Variants in SORL1 observed in about 807,000 individuals in gnomAD.
SORL1 encodes the protein sortilin related receptor 1.
Under a neutral mutation model 273.7 loss-of-function variants are expected in SORL1, and 127 were observed. That is an observed-to-expected ratio of 0.46 (90% CI 0.40 to 0.54). SORL1 has a LOEUF of 0.54. SORL1 is among the 20% of genes least tolerant of loss of function. The pLI, the probability that SORL1 is intolerant of heterozygous loss-of-function variation, is 0.00. For synonymous variants in SORL1, 1,031 were observed against 1,067.4 expected, an observed-to-expected ratio of 0.97 and a Z score of 0.66; for missense variants, 2,494 against 2,846.1, an observed-to-expected ratio of 0.88 and a Z score of 2.81.
intron 11 of SORL1, among the ~76,000 whole-genome samples, chr11:121,526,709 T>C (rs1862128923): frequency 6.6e-6 from 1 of 152,172 alleles, no homozygotes; most frequent in Non-Finnish European, 1.5e-5. Context: ...TTTTGTGGTA[T>C]TACTGTAAAT....
chr11:121,605,022 C>T (rs1168938885), intron 33 of SORL1, 91 bp from the exon 34 acceptor site: 28 of 1,099,788 alleles, frequency 2.5e-5, no homozygotes, highest in South Asian at 6.7e-5. Context: ...TTGCCCGCCT[C>T]GGCCTCCCAA....
Position 121,452,532 on chromosome 11 carries a change from G to T in SORL1, c.201G>T (p.Arg67Ser), listed in dbSNP as rs556756459. ...GGCTGTGGGCGCGCGGGGATGCCAG[G>T]GGGGCGAGCCGCGCGGACGAGAAGC... is the stretch of plus-strand genomic sequence containing the variant. The part of the protein sequence containing the change: ...ELRLWARGDA[R>S]GASRADEKPL... The change falls in exon 1 of 48, where the codon AGG (arginine) becomes AGT (serine). Residue 67 changes from arginine (R) to serine (S), a missense_variant. Coordinates refer to ENST00000260197, the MANE Select transcript of SORL1 (RefSeq NM_003105.6). This position sits in a 1 kb window ranked among gnomAD's most constrained non-coding sequence, Gnocchi z 5.3. The T allele has an allele frequency of 2.2e-5, 33 of 1,488,208 alleles. No individual in the cohort carries two copies. The highest frequency in any genetic ancestry group is 2.8e-5 in the Non-Finnish European group (31 of 1,124,644). The allele number at this position is 1,488,208 out of a possible 1,614,324, so 92.2% of individuals were successfully genotyped here. A position where few individuals can be genotyped will look rare whatever the true frequency, so the allele number is the denominator to read the frequency against.
intron 6 of SORL1, among the ~76,000 whole-genome samples, chr11:121,507,627 C>A (rs1171197506): frequency 6.6e-6 from 1 of 151,970 alleles, no homozygotes; most frequent in African/African-American, 2.4e-5. Context: ...AAAAATATTT[C>A]TATTTCTTTA....
At chr11:121,485,163 G>T (rs944657963) in intron 3 of SORL1, among the ~76,000 whole-genome samples, 3 of 152,188 alleles carry the variant, frequency 2.0e-5, no homozygotes, top group African/African-American at 7.2e-5. Context: ...GGAGTGGGGA[G>T]GACCAAGGAG....
intron 41 of SORL1, among the ~76,000 whole-genome samples, chr11:121,616,142 C>A (rs1177360946): frequency 6.6e-6 from 1 of 152,164 alleles, no homozygotes; most frequent in Non-Finnish European, 1.5e-5. Flanking sequence ...TACCTGGCAG[C>A]ACATGACCGC....
At chr11:121,558,207 C>A (rs545567722) in intron 19 of SORL1, among the ~76,000 whole-genome samples, 1 of 152,250 alleles carries the variant, frequency 6.6e-6, no homozygotes, top group East Asian at 1.9e-4. Flanking sequence ...CTATTCTGTA[C>A]CTTTTTAAAC....
chr11:121,568,946 T>A, intron 22 of SORL1, among the ~76,000 whole-genome samples: 1 of 152,212 alleles, frequency 6.6e-6, no homozygotes, highest in East Asian at 1.9e-4. Flanking sequence ...TACCATCATG[T>A]TACTTGTTGT....
intron 24 of SORL1, 182 bp from the exon 25 acceptor site, chr11:121,577,099 G>C (rs985707445): frequency 1.1e-5 from 12 of 1,068,612 alleles, no homozygotes; most frequent in Non-Finnish European, 1.4e-5. Context: ...CCCATTTGCA[G>C]CACACTGACT....
At chr11:121,543,441 T>C in intron 12 of SORL1, 107 bp from the exon 13 acceptor site, 1 of 858,974 alleles carries the variant, frequency 1.2e-6, no homozygotes, top group South Asian at 1.8e-5. Flanking sequence ...GGATCAGCCA[T>C]TTCTCCAAGG....
intron 1 of SORL1, among the ~76,000 whole-genome samples, chr11:121,459,534 A>G (rs146244880): frequency 2.4e-3 from 362 of 152,308 alleles, no homozygotes; most frequent in Middle Eastern, 0.02. Flanking sequence ...GCTCTAGGGC[A>G]TGCCTCTGCA....
At chr11:121,546,307 T>C (rs1037925636) in intron 14 of SORL1, among the ~76,000 whole-genome samples, 1 of 150,522 alleles carries the variant, frequency 6.6e-6, no homozygotes, top group Non-Finnish European at 1.5e-5. Flanking sequence ...GGAGAGTTGA[T>C]GATGAGAACA....
intron 1 of SORL1, among the ~76,000 whole-genome samples, chr11:121,458,713 T>A (rs1358235181): frequency 6.6e-6 from 1 of 152,212 alleles, no homozygotes; most frequent in Non-Finnish European, 1.5e-5. Context: ...CCCTGGGCCT[T>A]CGAAGAAGTG....
At position 121,499,061 on chromosome 11, in the gene SORL1, C is replaced by T. The variant is rs77659185; in HGVS notation, c.939+2012C>T. 1.7e-3 allele frequency among the ~76,000 whole-genome samples: 266 copies of T among 152,202 alleles called. 2 individuals carry two copies. The highest frequency in any genetic ancestry group is 6.1e-3 in the African/African-American group (255 of 41,502). On this transcript the variant is annotated intron_variant, in intron 6 of 47. Transcript: ENST00000260197. ...GATCTCACCGATACAGTACCCAGTGCCTTGCGCTATGTTTGATACGCAGCA... is the reference window on the plus strand; with the variant it reads ...GATCTCACCGATACAGTACCCAGTGTCTTGCGCTATGTTTGATACGCAGCA...
chr11:121,515,072 A>T lies in SORL1; in HGVS notation c.1211+751A>T, dbSNP rs557844667. On this transcript the variant is annotated intron_variant, in intron 8 of 47. Transcript: ENST00000260197. ...GGGGTCTGGCTCTCCAGCCATGACA[A>T]CCAGGTCTGAGGGCATGCCCCTGTG... 2.0e-5 allele frequency among the ~76,000 whole-genome samples: 3 copies of T among 152,322 alleles called. No individual in the cohort carries two copies. In the South Asian group the frequency reaches 6.2e-4, roughly 32 times the overall value.
At chr11:121,478,006 C>T (rs975125289) in intron 2 of SORL1, 112 bp from the exon 3 acceptor site, 17 of 1,240,052 alleles carry the variant, frequency 1.4e-5, no homozygotes, top group African/African-American at 1.6e-5. Flanking sequence ...CACTGCAGCC[C>T]GGGCAAAAAG....
chr11:121,530,081 C>G (rs780469861), intron 11 of SORL1, among the ~76,000 whole-genome samples: 2 of 152,182 alleles, frequency 1.3e-5, no homozygotes, highest in African/African-American at 2.4e-5. Flanking sequence ...TTCAACCATA[C>G]AAGTCCCTTT....
chr11:121,611,010 A>G, intron 38 of SORL1, 66 bp from the exon 39 acceptor site: 3 of 1,094,414 alleles, frequency 2.7e-6, no homozygotes, highest in Non-Finnish European at 2.8e-6. Flanking sequence ...GTTGAAAACT[A>G]TTAAGTCCTG....
At chr11:121,454,963 CAATA>C (rs1420332309) in intron 1 of SORL1, among the ~76,000 whole-genome samples, 2 of 152,136 alleles carry the variant, frequency 1.3e-5, no homozygotes, top group Non-Finnish European at 2.9e-5. Flanking sequence ...CAAGATGTGA[CAATA>C]AATTATATGG....
At chr11:121,544,920 G>C (rs1371120750) in intron 13 of SORL1, among the ~76,000 whole-genome samples, 3 of 152,190 alleles carry the variant, frequency 2.0e-5, no homozygotes, top group African/African-American at 7.2e-5. Context: ...CTGTTCCCTA[G>C]TTCTCTAGGA....
Sources: allele counts gnomAD v4.1 joint callset (sites outside exome capture counted in the v4.1 genomes callset), GRCh38; gene constraint gnomAD v4.1.1; non-coding constraint Gnocchi (gnomAD v3.1); transcripts MANE v1.5; gene names NCBI Gene and HGNC (gene_info 2026-07-23, HGNC 2026-07-21).